The following GSK3B variants were observed in gnomAD, a reference collection of about 807,000 sequenced individuals.
The protein encoded by GSK3B is glycogen synthase kinase 3 beta.
In GSK3B, 15 loss-of-function variants were observed where a neutral mutation model predicts 56.4. The observed-to-expected ratio is 0.27, with a 90% CI of 0.18 to 0.41. The LOEUF (loss-of-function observed/expected upper bound fraction) is 0.41, where lower values mean the gene tolerates loss of function less well. GSK3B is among the 10% of genes least tolerant of loss of function. The pLI is 1.00. For missense variants in GSK3B, 300 were observed against 513.4 expected, an observed-to-expected ratio of 0.58 and a Z score of 4.02; for synonymous variants, 181 against 188.9, an observed-to-expected ratio of 0.96 and a Z score of 0.34.
chr3:119,943,084 C>T (rs969099889), intron 3 of GSK3B, among the ~76,000 whole-genome samples: 1 of 152,180 alleles, frequency 6.6e-6, no homozygotes, highest in Non-Finnish European at 1.5e-5. Flanking sequence ...ACCCCTTTCC[C>T]CTGTTACAGG....
chr3:120,010,575 AT>A (rs1365953088), intron 1 of GSK3B, among the ~76,000 whole-genome samples: 1 of 152,222 alleles, frequency 6.6e-6, no homozygotes, highest in Non-Finnish European at 1.5e-5. Flanking sequence ...AGGACTCTGA[AT>A]TAAAAATTCC....
intron 7 of GSK3B, among the ~76,000 whole-genome samples, chr3:119,903,050 C>A (rs898220915): frequency 6.6e-6 from 1 of 152,172 alleles, no homozygotes; most frequent in African/African-American, 2.4e-5. Context: ...TAAACACACA[C>A]ACACAACACT....
intron 8 of GSK3B, among the ~76,000 whole-genome samples, chr3:119,865,523 G>A (rs1318656848): frequency 7.8e-6 from 1 of 127,862 alleles, no homozygotes. Flanking sequence ...AGGCTGGAAT[G>A]CAGTGGCCCG....
chr3:119,853,204 T>C (rs546452847), intron 9 of GSK3B, among the ~76,000 whole-genome samples: 6 of 152,240 alleles, frequency 3.9e-5, no homozygotes, highest in Non-Finnish European at 8.8e-5. Context: ...TTCTTGTTTT[T>C]GTCAGGTTTG....
intron 3 of GSK3B, among the ~76,000 whole-genome samples, chr3:119,943,879 A>C (rs1004866408): frequency 8.6e-5 from 13 of 151,976 alleles, no homozygotes; most frequent in Non-Finnish European, 1.8e-4. Context: ...GACACAGACC[A>C]AGAGAGGGGG....
intron 6 of GSK3B, among the ~76,000 whole-genome samples, chr3:119,906,885 A>C (rs1301307474): frequency 6.6e-6 from 1 of 152,108 alleles, no homozygotes; most frequent in Non-Finnish European, 1.5e-5. Flanking sequence ...AGAGACTGGA[A>C]ATCGTTGCTC....
intron 8 of GSK3B, among the ~76,000 whole-genome samples, chr3:119,874,563 G>T (rs1450365474): frequency 1.3e-5 from 2 of 151,468 alleles, no homozygotes; most frequent in Non-Finnish European, 2.9e-5. Flanking sequence ...TGGAGGATGG[G>T]GACTGTTAAA....
At chr3:119,878,125 G>A (rs1439581594) in intron 7 of GSK3B, among the ~76,000 whole-genome samples, 2 of 152,130 alleles carry the variant, frequency 1.3e-5, no homozygotes, top group South Asian at 4.1e-4. Context: ...AAAACTTTCA[G>A]AACTTCATTC....
chr3:119,940,865 T>C (rs1042890915), intron 3 of GSK3B, among the ~76,000 whole-genome samples: 3 of 152,198 alleles, frequency 2.0e-5, no homozygotes, highest in African/African-American at 7.2e-5. Flanking sequence ...ACTTAACTTC[T>C]CTCCATCTCC....
At position 120,089,262 on chromosome 3, in the gene GSK3B, A is replaced by C. The variant is rs1239833393; in HGVS notation, c.88+4085T>G. 3.3e-5 allele frequency among the ~76,000 whole-genome samples: 5 copies of C among 152,196 alleles called. No individual in the cohort carries two copies. In the East Asian group the frequency reaches 9.6e-4, roughly 29 times the overall value. On this transcript the variant is annotated intron_variant, in intron 1 of 10. Coordinates refer to ENST00000264235, the MANE Select transcript of GSK3B (RefSeq NM_001146156.2). ...GACTTACTGTCACTTCACAATTAGC[A>C]TTCTACAGGTGCATGCAACAAGAAA...
chr3:120,060,479 G>A (rs371577067), intron 1 of GSK3B, among the ~76,000 whole-genome samples: 3 of 152,096 alleles, frequency 2.0e-5, no homozygotes, highest in African/African-American at 4.8e-5. Context: ...TGTAATCTCA[G>A]CACTTAGGGA....
intron 1 of GSK3B, among the ~76,000 whole-genome samples, chr3:120,005,133 C>T (rs2057715491): frequency 6.6e-6 from 1 of 151,716 alleles, no homozygotes; most frequent in Admixed American, 6.6e-5. Flanking sequence ...GAAGCATACA[C>T]AAGCTTCAGT....
intron 1 of GSK3B, among the ~76,000 whole-genome samples, chr3:120,049,276 A>C (rs2058127819): frequency 6.6e-6 from 1 of 152,254 alleles, no homozygotes; most frequent in Non-Finnish European, 1.5e-5. Flanking sequence ...TTCAGTCAAC[A>C]GACACTTCTT....
chr3:119,879,176 G>A (rs983229405), intron 7 of GSK3B, among the ~76,000 whole-genome samples: 2 of 152,038 alleles, frequency 1.3e-5, no homozygotes, highest in Non-Finnish European at 2.9e-5. Context: ...TTTGTCCTTT[G>A]TTTATTTATA....
Position 119,923,458 on chromosome 3 carries a change from AC to A in GSK3B, c.391del (p.Val131CysfsTer25). On this transcript the variant is annotated frameshift_variant, in exon 4 of 11. Transcript: ENST00000264235. LOFTEE classifies it high-confidence loss of function. The stretch of plus-strand genomic sequence containing the variant: ...TACTGTTTCCGGAACATAGTCCAGC[AC>A]CAGATTAAGATAGACCTCATCTTTC... ...EKKDEVYLNL[V>X]LDYVPETVYR... is the part of the protein sequence containing the mutation. 1 of 1,599,294 alleles carries A rather than the reference AC, an allele frequency of 6.3e-7. No individual in the cohort carries two copies. The highest frequency in any genetic ancestry group is 1.3e-5 in the African/African-American group (1 of 74,760).
At chr3:120,080,796 C>A (rs2058412628) in intron 1 of GSK3B, among the ~76,000 whole-genome samples, 1 of 151,792 alleles carries the variant, frequency 6.6e-6, no homozygotes, top group South Asian at 2.1e-4. Context: ...CGCCACTGCA[C>A]TCCATCCTGG....
At chr3:119,911,913 C>T (rs1362386427) in intron 6 of GSK3B, among the ~76,000 whole-genome samples, 1 of 152,154 alleles carries the variant, frequency 6.6e-6, no homozygotes, top group Non-Finnish European at 1.5e-5. Flanking sequence ...ACCACTAAAA[C>T]TTTCCCTGTA....
intron 1 of GSK3B, among the ~76,000 whole-genome samples, chr3:120,057,788 G>GT (rs2058203130): frequency 6.6e-6 from 1 of 152,020 alleles, no homozygotes; most frequent in Admixed American, 6.6e-5. Context: ...CTAAACCTCA[G>GT]TTCTCTCATT....
At chr3:119,845,898 A>C (rs1024362196) in intron 9 of GSK3B, among the ~76,000 whole-genome samples, 4 of 151,232 alleles carry the variant, frequency 2.6e-5, no homozygotes, top group African/African-American at 9.7e-5. Context: ...GCATCAGCAA[A>C]GGCTACAAGG....
Sources: gnomAD v4.1 joint callset for allele counts (sites outside exome capture counted in the v4.1 genomes callset) on GRCh38, gnomAD v4.1.1 for gene constraint, MANE v1.5 for transcripts, NCBI Gene and HGNC (gene_info 2026-07-23, HGNC 2026-07-21) for gene names.